The following SLC6A5 variants were observed in gnomAD, a reference collection of about 807,000 sequenced individuals.
The protein encoded by SLC6A5 is sodium- and chloride-dependent glycine transporter 2.
A neutral mutation model predicts 90.5 loss-of-function variants in SLC6A5; 58 were observed. That is an observed-to-expected ratio of 0.64 (90% CI 0.52 to 0.80). The LOEUF (loss-of-function observed/expected upper bound fraction) is 0.80. Among genes scored for constraint, SLC6A5 ranks in the 30% least tolerant of loss-of-function variants. The pLI, the probability that SLC6A5 is intolerant of heterozygous loss-of-function variation, is 0.00. For missense variants in SLC6A5, 1,015 were observed against 1,017.6 expected (o/e 1.00, Z 0.03); for synonymous variants, 427 against 401.4 (o/e 1.06, Z -0.76).
chr11:20,635,104 AC>A (rs1853180121), intron 10 of SLC6A5, among the ~76,000 whole-genome samples: 1 of 152,086 alleles, frequency 6.6e-6, no homozygotes. Flanking sequence ...CTGAATCAGA[AC>A]CGCTAACTTC....
chr11:20,630,976 G>A (rs1853099299), intron 10 of SLC6A5, among the ~76,000 whole-genome samples, 161 bp downstream of exon 10: 1 of 152,200 alleles, frequency 6.6e-6, no homozygotes, highest in Non-Finnish European at 1.5e-5. Context: ...GCTCAAGTAG[G>A]AAGCTCACTG....
intron 4 of SLC6A5, 67 bp from the exon 5 acceptor site, chr11:20,607,412 A>G: frequency 3.8e-6 from 6 of 1,581,720 alleles, no homozygotes; most frequent in South Asian, 1.1e-5. Context: ...TCCCCACCCT[A>G]TGCCCAACTC....
At chr11:20,650,777 C>T (rs1266794781) in intron 14 of SLC6A5, among the ~76,000 whole-genome samples, 2 of 150,574 alleles carry the variant, frequency 1.3e-5, no homozygotes, top group African/African-American at 4.9e-5. Context: ...CGCCATTCTC[C>T]TGCCTCAGCC....
intron 10 of SLC6A5, among the ~76,000 whole-genome samples, chr11:20,634,880 C>T (rs927642127): frequency 1.3e-5 from 2 of 152,078 alleles, no homozygotes; most frequent in Admixed American, 6.5e-5. Context: ...TGGATTATCC[C>T]GGCGCCCACA....
In SLC6A5 at chr11:20,656,164, T is replaced by G. The variant is rs570973993; in HGVS notation, c.*1296T>G. 7 of 152,346 alleles carry G rather than the reference T, an allele frequency of 4.6e-5. No individual in the cohort carries two copies. The highest frequency in any genetic ancestry group is 1.7e-4 in the African/African-American group (7 of 41,590). The allele number at this position is 152,346 out of a possible 1,614,324, so 9.4% of individuals were successfully genotyped here. A position where few individuals can be genotyped will look rare whatever the true frequency, so the allele number is the denominator to read the frequency against. On this transcript the variant is annotated 3_prime_UTR_variant, in exon 16 of 16. Transcript: ENST00000525748. ...GAAATTGGCAAAGTGTAAACTTTAT[T>G]ATCTTCTTGTATCCTGAACATGCAT...
chr11:20,599,776 G>GT (rs2133765524), intron 1 of SLC6A5, 101 bp downstream of exon 1: 2 of 1,405,646 alleles, frequency 1.4e-6, no homozygotes, highest in Non-Finnish European at 2.0e-6. Context: ...TGTGCATTGG[G>GT]TGGGGGGAAA....
chr11:20,626,051 A>G (rs535967680), intron 7 of SLC6A5, among the ~76,000 whole-genome samples: 24 of 152,240 alleles, frequency 1.6e-4, no homozygotes, highest in Non-Finnish European at 3.2e-4. Context: ...ACCTGCTGTT[A>G]TAAATCAGGC....
rs1853367623 is a variant in SLC6A5 at position 20,644,266 on chromosome 11, C to T, written c.1970-2568C>T. 2.0e-5 allele frequency among the ~76,000 whole-genome samples: 3 copies of T among 152,300 alleles called. No homozygotes were observed. In the South Asian group the frequency reaches 6.2e-4, roughly 32 times the overall value. Reference sequence around the variant, plus strand: ...CCCATTCTCCAACCTCTGGTAACTACCATTCTGCTGTCTCCTTCTCTGTGT... The same window carrying T: ...CCCATTCTCCAACCTCTGGTAACTATCATTCTGCTGTCTCCTTCTCTGTGT... On this transcript the variant is annotated intron_variant, in intron 13 of 15. Coordinates refer to ENST00000525748, the MANE Select transcript of SLC6A5 (RefSeq NM_004211.5).
At chr11:20,600,389 AGAAGAAGAAG>A (rs1409281969) in intron 1 of SLC6A5, among the ~76,000 whole-genome samples, 24 of 149,106 alleles carry the variant, frequency 1.6e-4, no homozygotes, top group African/African-American at 5.2e-4. Context: ...AAGAAGAAGA[AGAAGAAGAAG>A]AAGAAGAAGA....
At chr11:20,644,449 T>A (rs1051639073) in intron 13 of SLC6A5, among the ~76,000 whole-genome samples, 5 of 152,252 alleles carry the variant, frequency 3.3e-5, no homozygotes, top group Non-Finnish European at 7.3e-5. Context: ...CGCCGTTGTG[T>A]ATGTACACCA....
At chr11:20,626,592 A>G in intron 7 of SLC6A5, 116 bp from the exon 8 acceptor site, 2 of 1,159,018 alleles carry the variant, frequency 1.7e-6, no homozygotes, top group South Asian at 2.5e-5. Context: ...GGGGACAACT[A>G]CCCTGATGTG....
intron 2 of SLC6A5, among the ~76,000 whole-genome samples, chr11:20,602,793 C>T (rs1167785951): frequency 5.3e-5 from 8 of 152,224 alleles, no homozygotes. Context: ...CTCCCACTTG[C>T]CTTTCCTTTC....
rs1246149718 is a variant in SLC6A5, at chr11:20,601,357, G to C, written c.232G>C (p.Gly78Arg). The change falls in exon 2 of 16, where the codon GGG becomes CGG. Residue 78 changes from glycine to arginine, a missense_variant. By Grantham distance (125) the Gly-to-Arg change is moderately radical. Around this residue, in one of 3 missense-constraint regions of SLC6A5, gnomAD observed 567 missense variants for 507.3 expected, o/e 1.12. Coordinates refer to ENST00000525748, the MANE Select transcript of SLC6A5 (RefSeq NM_004211.5). ...CTGCGAGGCTGAGCGGCCAGGAGTG[G>C]GGTCTTGCAAACTCAGTAGCCCGCG... Reference protein sequence around the residue: ...RACEAERPGVGSCKLSSPRAQ... With the variant: ...RACEAERPGVRSCKLSSPRAQ... 1 of 1,601,408 alleles carries C rather than the reference G, an allele frequency of 6.2e-7. No individual in the cohort carries two copies.
At chr11:20,637,036 C>G in intron 11 of SLC6A5, 136 bp from the exon 12 acceptor site, 1 of 881,806 alleles carries the variant, frequency 1.1e-6, no homozygotes, top group South Asian at 1.4e-5. Flanking sequence ...CTTTTTAGAC[C>G]CATTGAGGGA....
intron 7 of SLC6A5, among the ~76,000 whole-genome samples, chr11:20,619,862 G>A (rs1296290146): frequency 6.6e-6 from 1 of 152,146 alleles, no homozygotes; most frequent in Non-Finnish European, 1.5e-5. Flanking sequence ...TGACCCCTGA[G>A]GAACCTGCTG....
intron 7 of SLC6A5, 81 bp downstream of exon 7, chr11:20,617,965 A>C (rs1290665195): frequency 7.1e-7 from 1 of 1,413,526 alleles, no homozygotes; most frequent in Non-Finnish European, 9.9e-7. Flanking sequence ...AGCACTGGAA[A>C]GAGAGTCAGG....
chr11:20,599,748 A>C (rs1852422017), intron 1 of SLC6A5, 73 bp downstream of exon 1: 1 of 1,572,192 alleles, frequency 6.4e-7, no homozygotes, highest in Non-Finnish European at 8.7e-7. Flanking sequence ...CGTTTTGGCT[A>C]TTTCTTTTGG....
At chr11:20,604,219 G>T in intron 2 of SLC6A5, 67 bp from the exon 3 acceptor site, 1 of 1,539,282 alleles carries the variant, frequency 6.5e-7, no homozygotes, top group Non-Finnish European at 8.8e-7. Context: ...GCGGGGGGGA[G>T]GGTGGAAGGG....
chr11:20,626,634 G>T (rs944999556), intron 7 of SLC6A5, 74 bp from the exon 8 acceptor site: 96 of 1,538,790 alleles, frequency 6.2e-5, no homozygotes, highest in Non-Finnish European at 8.4e-5. Context: ...ACTCTTCCCC[G>T]AGCAATGCTC....
Sources: gnomAD v4.1 joint callset for allele counts (sites outside exome capture counted in the v4.1 genomes callset) on GRCh38, gnomAD v4.1.1 for gene constraint, gnomAD v4.1.1 regional missense constraint, MANE v1.5 for transcripts, NCBI Gene and HGNC (gene_info 2026-07-23, HGNC 2026-07-21) for gene names.